Variants in CYP4Z1 observed in about 807,000 individuals in gnomAD.
CYP4Z1 encodes cytochrome P450 family 4 subfamily Z member 1, also known as cytochrome P450 4Z1.
CYP4Z1 carries 41 observed loss-of-function variants against 54.2 expected under a neutral mutation model. The ratio of observed to expected loss-of-function variants is 0.76; its 90% CI spans 0.59 to 0.98. The LOEUF is 0.98. Ranked by LOEUF, CYP4Z1 falls within the 50% of genes least tolerant of loss-of-function variation. CYP4Z1 has a pLI of 0.00. For synonymous variants in CYP4Z1, 163 were observed against 206.2 expected, an observed-to-expected ratio of 0.79 and a Z score of 1.79; for missense variants, 513 against 599.0, an observed-to-expected ratio of 0.86 and a Z score of 1.50.
intron 2 of CYP4Z1, among the ~76,000 whole-genome samples, chr1:47,073,097 T>C (rs1354293502): frequency 8.7e-6 from 1 of 115,106 alleles, no homozygotes; most frequent in Non-Finnish European, 1.8e-5. Context: ...TATTCCCCAT[T>C]CCTCCCTTGC....
chr1:47,100,340 C>A (rs1182408804), intron 8 of CYP4Z1, among the ~76,000 whole-genome samples: 1 of 152,110 alleles, frequency 6.6e-6, no homozygotes, highest in Non-Finnish European at 1.5e-5. Flanking sequence ...ATTTCACTTT[C>A]CATGATTTCA....
intron 9 of CYP4Z1, among the ~76,000 whole-genome samples, chr1:47,110,691 A>AGACTTCCAGAAACCATTT (rs757826632): frequency 6.6e-6 from 1 of 152,074 alleles, no homozygotes; most frequent in Non-Finnish European, 1.5e-5. Flanking sequence ...GATCTTGGTG[A>AGACTTCCAGAAACCATTT]GACTTCCAGA....
intron 7 of CYP4Z1, chr1:47,096,629 CTT>C (rs35869199): frequency 0.012 from 1,448 of 121,146 alleles, 39 homozygotes; most frequent in East Asian, 0.11. Flanking sequence ...ATTTGCTCTT[CTT>C]TTTTTTTTTT....
upstream of CYP4Z1, among the ~76,000 whole-genome samples, chr1:47,065,247 T>G (rs1038416560): frequency 5.9e-5 from 9 of 152,228 alleles, no homozygotes; most frequent in African/African-American, 2.2e-4. Flanking sequence ...CATCTGTACA[T>G]AGAACATTCT....
chr1:47,057,327 G>GAAAAAAAAAAAAAAAAAAAAAAA, the CYP4Z1 span, among the ~76,000 whole-genome samples: 18 of 18,028 alleles, frequency 1.0e-3, 3 homozygotes, highest in African/African-American at 3.4e-3. Flanking sequence ...TACTTCTTAA[G>GAAAAAAAAAAAAAAAAAAAAAAA]AAAAAAAAAT....
chr1:47,085,586 C>T (rs562090351), intron 6 of CYP4Z1, among the ~76,000 whole-genome samples: 65 of 152,200 alleles, frequency 4.3e-4, no homozygotes, highest in Non-Finnish European at 4.3e-4. Context: ...GTATGATAAC[C>T]TCTGCTTTCC....
chr1:47,111,947 C>T (rs1054029364), intron 9 of CYP4Z1, among the ~76,000 whole-genome samples: 13 of 152,108 alleles, frequency 8.5e-5, no homozygotes, highest in African/African-American at 2.4e-4. Flanking sequence ...TAATGGTTTG[C>T]CACTAAAGCA....
upstream of CYP4Z1, among the ~76,000 whole-genome samples, chr1:47,065,257 T>A (rs930061846): frequency 5.9e-5 from 9 of 152,138 alleles, no homozygotes; most frequent in African/African-American, 2.2e-4. Flanking sequence ...TAGAACATTC[T>A]CCAAGATAAA....
chr1:47,058,436 C>T, the CYP4Z1 span, among the ~76,000 whole-genome samples: 11 of 152,090 alleles, frequency 7.2e-5, no homozygotes, highest in Non-Finnish European at 1.5e-4. Context: ...CGATCACCAC[C>T]TCACTTTGTG....
chr1:47,084,737 T>G lies in CYP4Z1; in HGVS notation c.610T>G (p.Leu204Val). Residue 204 changes from leucine to valine, a missense_variant, in exon 5 of 12, where the codon TTG (leucine) becomes GTG (valine). By Grantham distance (32) the Leu-to-Val change is conservative. Transcript: ENST00000334194. ...CAFSHQGSIQ[L>V]DSTLDSYLKA... ...CTTCAGCCACCAGGGCAGCATCCAGTTGGACAGGTCAGTGACAAAAGGAAG... is the reference window on the plus strand; with the variant it reads ...CTTCAGCCACCAGGGCAGCATCCAGGTGGACAGGTCAGTGACAAAAGGAAG... 3 of 1,613,370 alleles carry G rather than the reference T, an allele frequency of 1.9e-6. No homozygotes were observed. Among genetic ancestry groups the G allele is most frequent in the Non-Finnish European group, 2.5e-6 (3 of 1,179,828 alleles).
rs1644457933 is a variant in CYP4Z1 at position 47,067,471 on chromosome 1, G to A, written c.-20G>A. The A allele has an allele frequency of 6.3e-7, 1 of 1,587,126 alleles. No homozygotes were observed. The highest frequency in any genetic ancestry group is 8.6e-7 in the Non-Finnish European group (1 of 1,164,820). On this transcript the variant is annotated 5_prime_UTR_variant, in exon 1 of 12. Transcript: ENST00000334194. ...GCTCAGTTCTCTCAGGCTCTCCAGAGCTCAGGACCTCTGAGAAGAATGGAG... is the reference window on the plus strand; with the variant it reads ...GCTCAGTTCTCTCAGGCTCTCCAGAACTCAGGACCTCTGAGAAGAATGGAG...
At chr1:47,087,012 G>T (rs993964776) in intron 6 of CYP4Z1, among the ~76,000 whole-genome samples, 2 of 152,050 alleles carry the variant, frequency 1.3e-5, no homozygotes, top group Non-Finnish European at 2.9e-5. Context: ...GTACATGTGT[G>T]GTATTATTTC....
the CYP4Z1 span, among the ~76,000 whole-genome samples, chr1:47,059,901 C>T: frequency 6.6e-6 from 1 of 152,128 alleles, no homozygotes; most frequent in African/African-American, 2.4e-5. Context: ...TCTCCTCTCC[C>T]CAAGACTTTT....
At chr1:47,085,570 C>A (rs1278420694) in intron 6 of CYP4Z1, among the ~76,000 whole-genome samples, 6 of 152,152 alleles carry the variant, frequency 3.9e-5, no homozygotes, top group Admixed American at 2.0e-4. Context: ...ACTCTATCTG[C>A]TACTAGTATG....
At chr1:47,097,309 T>C (rs1465588963) in intron 7 of CYP4Z1, 1 of 152,192 alleles carries the variant, frequency 6.6e-6, no homozygotes, top group Non-Finnish European at 1.5e-5. Context: ...ATGATTTGTA[T>C]TCCTTTGGGT....
intron 3 of CYP4Z1, among the ~76,000 whole-genome samples, chr1:47,081,925 T>C (rs1644557787): frequency 6.8e-6 from 1 of 147,798 alleles, no homozygotes; most frequent in African/African-American, 2.6e-5. Context: ...TTTCTCAAAG[T>C]GTGGACCTGA....
the CYP4Z1 span, among the ~76,000 whole-genome samples, chr1:47,061,398 G>C: frequency 6.6e-6 from 1 of 152,078 alleles, no homozygotes; most frequent in African/African-American, 2.4e-5. Context: ...AAACTACTAT[G>C]AACACCTCTA....
intron 2 of CYP4Z1, among the ~76,000 whole-genome samples, chr1:47,077,086 G>C (rs1437631941): frequency 6.6e-6 from 1 of 151,650 alleles, no homozygotes; most frequent in Admixed American, 6.6e-5. Flanking sequence ...TTTAGAACAT[G>C]TCTGTTTGGC....
intron 1 of CYP4Z1, among the ~76,000 whole-genome samples, 190 bp from the exon 2 acceptor site, chr1:47,068,432 C>T (rs1256965416): frequency 1.3e-5 from 2 of 152,168 alleles, no homozygotes; most frequent in Non-Finnish European, 2.9e-5. Context: ...TGAGCACTTG[C>T]CCAGGGCCAC....
Sources: gnomAD v4.1 joint callset for allele counts (sites outside exome capture counted in the v4.1 genomes callset) on GRCh38, gnomAD v4.1.1 for gene constraint, MANE v1.5 for transcripts, NCBI Gene and HGNC (gene_info 2026-07-23, HGNC 2026-07-21) for gene names.